Variants in OPALIN observed in about 807,000 individuals in gnomAD.
OPALIN encodes transmembrane protein 10.
Under a neutral mutation model 17.8 loss-of-function variants are expected in OPALIN, and 15 were observed. That is an observed-to-expected ratio of 0.84 (90% CI 0.56 to 1.29). The LOEUF is 1.29. OPALIN is among the 50% of genes most tolerant of loss of function. OPALIN has a pLI of 0.00. For missense variants in OPALIN, 170 were observed against 176.0 expected, an observed-to-expected ratio of 0.97 and a Z score of 0.19; for synonymous variants, 62 against 63.8, an observed-to-expected ratio of 0.97 and a Z score of 0.14.
intron 5 of OPALIN, 76 bp from the exon 6 acceptor site, chr10:96,346,193 A>G (rs1002136652): frequency 7.4e-7 from 1 of 1,351,490 alleles, no homozygotes; most frequent in Non-Finnish European, 1.0e-6. Flanking sequence ...CAGCAACCAC[A>G]TTGACCCTCC....
chr10:96,355,164 G>A (rs1845764180), intron 2 of OPALIN, 91 bp downstream of exon 2: 1 of 634,458 alleles, frequency 1.6e-6, no homozygotes, highest in Non-Finnish European at 2.8e-6. Context: ...ATCACCGTGT[G>A]TGAGGGGTTT....
chr10:96,349,749 A>T lies in OPALIN; in HGVS notation c.150T>A (p.Phe50Leu). The change falls in exon 4 of 6, where the codon TTT becomes TTA. Residue 50 changes from phenylalanine to leucine, a missense_variant. By Grantham distance (22) the Phe-to-Leu change is conservative. Transcript: ENST00000371172. Reference sequence around the variant, plus strand: ...TGCTTCTTCTTCGGTGAATCAAAGTAAATAGTAAAGCCACCAGCAGGGCTG... The same window carrying T: ...TGCTTCTTCTTCGGTGAATCAAAGTTAATAGTAAAGCCACCAGCAGGGCTG... ...VATALLVALL[F>L]TLIHRRRSSI... 6.2e-7 allele frequency: 1 copy of T among 1,614,058 alleles called. No individual in the cohort carries two copies. Among genetic ancestry groups the T allele is most frequent in the Non-Finnish European group, 8.5e-7 (1 of 1,179,926 alleles).
chr10:96,346,182 A>T (rs558312749), intron 5 of OPALIN, 65 bp from the exon 6 acceptor site: 1 of 1,437,446 alleles, frequency 7.0e-7, no homozygotes, highest in South Asian at 1.2e-5. Context: ...AGATGGACTA[A>T]CAGCAACCAC....
chr10:96,349,826 C>T lies in OPALIN; in HGVS notation c.73G>A (p.Asp25Asn). The T allele has an allele frequency of 4.3e-6, 7 of 1,611,466 alleles. No individual in the cohort carries two copies. The South Asian group carries it at 4.4e-5, about 10-fold the overall frequency. The change falls in exon 4 of 6, where the codon GAC becomes AAC. Residue 25 changes from aspartate to asparagine, a missense_variant and splice_region_variant. Transcript: ENST00000371172. Reference protein sequence around the residue: ...SSPVTGGKETDCGPSLGLAAG... With the variant: ...SSPVTGGKETNCGPSLGLAAG... Reference sequence around the variant, plus strand: ...GCTAATCCAAGAGAGGGCCCACAGTCCTGGCACAGAATGAAAAACACAGGG... The same window carrying T: ...GCTAATCCAAGAGAGGGCCCACAGTTCTGGCACAGAATGAAAAACACAGGG...
chr10:96,354,628 T>C (rs1589392757), intron 2 of OPALIN, among the ~76,000 whole-genome samples: 1 of 152,194 alleles, frequency 6.6e-6, no homozygotes, highest in African/African-American at 2.4e-5. Flanking sequence ...TCAAAATTTA[T>C]GTAACGCCAA....
chr10:96,356,214 G>A (rs552139640), intron 1 of OPALIN, among the ~76,000 whole-genome samples: 34 of 152,206 alleles, frequency 2.2e-4, no homozygotes, highest in Admixed American at 7.8e-4. Flanking sequence ...CTTCAGCCTC[G>A]GTCTCCCTGA....
Position 96,348,354 on chromosome 10 carries a change from GA to G in OPALIN, c.193-10del, listed in dbSNP as rs1845427610. 6.6e-6 allele frequency: 9 copies of G among 1,371,382 alleles called. No homozygotes were observed. The highest frequency in any genetic ancestry group is 9.3e-6 in the Non-Finnish European group (9 of 969,374). 85.0% of individuals were successfully genotyped at this position (1,371,382 alleles called of 1,614,324 possible). A position where few individuals can be genotyped will look rare whatever the true frequency, so the allele number is the denominator to read the frequency against. ...CATGGTCTGTCACTTTCCTAAATTG[GA>G]AAAAATATAATAATAAAAGAAAGAA... On this transcript the variant is annotated splice_polypyrimidine_tract_variant and intron_variant, in intron 4 of 5. Transcript: ENST00000371172.
In OPALIN at chr10:96,345,033, C is replaced by T. The variant is rs1225759079; in HGVS notation, c.*908G>A. The T allele has an allele frequency of 3.3e-5, 5 of 152,180 alleles. No individual in the cohort carries two copies. Among genetic ancestry groups the T allele is most frequent in the Non-Finnish European group, 5.9e-5 (4 of 68,048 alleles). The allele number at this position is 152,180 out of a possible 1,614,324, so 9.4% of individuals were successfully genotyped here. ...AAGATTCACATACTACCAGCAACAC[C>T]TAGAATCATCTTTAGATAACAATTT... On this transcript the variant is annotated 3_prime_UTR_variant, in exon 6 of 6. Transcript: ENST00000371172.
intron 5 of OPALIN, among the ~76,000 whole-genome samples, chr10:96,346,852 G>T (rs79621687): frequency 6.6e-6 from 1 of 151,900 alleles, no homozygotes; most frequent in African/African-American, 2.4e-5. Context: ...TTTCCATAAA[G>T]GTATTACATA....
At position 96,349,825 on chromosome 10, in the gene OPALIN, T is replaced by A; in HGVS notation, c.74A>T (p.Asp25Val). 6.2e-7 allele frequency: 1 copy of A among 1,611,626 alleles called. No homozygotes were observed. The highest frequency in any genetic ancestry group is 1.3e-5 in the African/African-American group (1 of 74,874). Reference protein sequence around the residue: ...SSPVTGGKETDCGPSLGLAAG... With the variant: ...SSPVTGGKETVCGPSLGLAAG... ...CGCTAATCCAAGAGAGGGCCCACAG[T>A]CCTGGCACAGAATGAAAAACACAGG... The change falls in exon 4 of 6, where the codon GAC (aspartate) becomes GTC (valine). Residue 25 changes from aspartate (D) to valine (V), a missense_variant and splice_region_variant. Coordinates refer to ENST00000371172, the MANE Select transcript of OPALIN (RefSeq NM_033207.5).
At chr10:96,353,424 G>T in intron 2 of OPALIN, 1 of 1,613,616 alleles carries the variant, frequency 6.2e-7, no homozygotes, top group South Asian at 1.1e-5. Flanking sequence ...GTAGAAATGT[G>T]ACTTCCAGGC....
chr10:96,353,492 ACAGACAACAC>A, intron 2 of OPALIN: 1 of 1,475,834 alleles, frequency 6.8e-7, no homozygotes, highest in Non-Finnish European at 9.5e-7. Context: ...AGTGCTAAAA[ACAGACAACAC>A]CAGGCAAAGC....
At chr10:96,358,060 T>C (rs1049908644) in intron 1 of OPALIN, among the ~76,000 whole-genome samples, 4 of 151,974 alleles carry the variant, frequency 2.6e-5, no homozygotes, top group African/African-American at 9.7e-5. Context: ...TCCTATATTA[T>C]ACCTGTGGAA....
At chr10:96,350,254 TG>T (rs540736951) in intron 3 of OPALIN, among the ~76,000 whole-genome samples, 3 of 152,334 alleles carry the variant, frequency 2.0e-5, no homozygotes, top group African/African-American at 7.2e-5. Context: ...CTTGCTCTGT[TG>T]CCCAGGCTGG....
At chr10:96,358,241 A>G (rs1290721799) in intron 1 of OPALIN, among the ~76,000 whole-genome samples, 1 of 147,244 alleles carries the variant, frequency 6.8e-6, no homozygotes, top group Non-Finnish European at 1.5e-5. Context: ...GAGATTACAC[A>G]ATATTCTTCT....
intron 1 of OPALIN, among the ~76,000 whole-genome samples, chr10:96,358,632 C>T (rs542429689): frequency 1.3e-5 from 2 of 152,328 alleles, no homozygotes; most frequent in African/African-American, 2.4e-5. Flanking sequence ...AGATCCATTG[C>T]TTCAACTAGA....
chr10:96,355,396 C>A, intron 1 of OPALIN, 106 bp from the exon 2 acceptor site: 3 of 1,001,008 alleles, frequency 3.0e-6, no homozygotes, highest in South Asian at 1.4e-5. Context: ...GTCATTGATC[C>A]TATAGACTCA....
rs1296405124 is a variant in OPALIN, at chr10:96,345,327, T to G, written c.*614A>C. On this transcript the variant is annotated 3_prime_UTR_variant, in exon 6 of 6. Transcript: ENST00000371172. ...AGCAAAAACTGAGGCTTGAAAATGTTAAACAACTTCTCCAAAGTCGTACAG... is the reference window on the plus strand; with the variant it reads ...AGCAAAAACTGAGGCTTGAAAATGTGAAACAACTTCTCCAAAGTCGTACAG... 1 of 152,228 alleles carries G rather than the reference T, an allele frequency of 6.6e-6. No homozygotes were observed. Among genetic ancestry groups the G allele is most frequent in the African/African-American group, 2.4e-5 (1 of 41,456 alleles). The allele number at this position is 152,228 out of a possible 1,614,324, so 9.4% of individuals were successfully genotyped here. A position where few individuals can be genotyped will look rare whatever the true frequency, so the allele number is the denominator to read the frequency against.
intron 3 of OPALIN, among the ~76,000 whole-genome samples, chr10:96,350,042 G>C (rs1845513633): frequency 6.6e-6 from 1 of 152,142 alleles, no homozygotes; most frequent in Non-Finnish European, 1.5e-5. Context: ...GTTTAAATCT[G>C]TTGGAAAGAG....
Sources: gnomAD v4.1 joint callset for allele counts (sites outside exome capture counted in the v4.1 genomes callset) on GRCh38, gnomAD v4.1.1 for gene constraint, MANE v1.5 for transcripts, NCBI Gene and HGNC (gene_info 2026-07-23, HGNC 2026-07-21) for gene names.